EXOC2: variants seen among roughly 807,000 people sequenced by gnomAD.
The protein encoded by EXOC2 is SEC5-like 1.
A neutral mutation model predicts 131.8 loss-of-function variants in EXOC2; 70 were observed. The ratio of observed to expected loss-of-function variants is 0.53; its 90% CI spans 0.44 to 0.65. The LOEUF (loss-of-function observed/expected upper bound fraction) is 0.65. EXOC2 is among the 30% of genes least tolerant of loss of function. The probability of loss-of-function intolerance (pLI) is 0.00; values close to 1 mark genes in which losing one functional copy is unlikely to be tolerated. For synonymous variants in EXOC2, 411 were observed against 398.4 expected (o/e 1.03, Z -0.38); for missense variants, 923 against 1,108.6 (o/e 0.83, Z 2.38).
intron 12 of EXOC2, among the ~76,000 whole-genome samples, chr6:574,320 T>C (rs1180628578): frequency 2.0e-5 from 3 of 152,246 alleles, no homozygotes; most frequent in Non-Finnish European, 4.4e-5. Flanking sequence ...AAAGGAAGTA[T>C]GCCCTCATAC....
intron 22 of EXOC2, among the ~76,000 whole-genome samples, chr6:539,015 A>G (rs935913084): frequency 2.6e-5 from 4 of 151,746 alleles, no homozygotes; most frequent in African/African-American, 9.7e-5. Context: ...GGTTGCAGTG[A>G]GCCAAGATCA....
At chr6:647,245 T>C (rs1056061906) in intron 1 of EXOC2, among the ~76,000 whole-genome samples, 2 of 152,158 alleles carry the variant, frequency 1.3e-5, no homozygotes, top group African/African-American at 2.4e-5. Flanking sequence ...AGTAGAAATA[T>C]GCTGCTCTCC....
At position 574,056 on chromosome 6, in the gene EXOC2, G is replaced by T. The variant is rs140551128; in HGVS notation, c.1319-1412C>A. ...TTCTGTATTCAAACGTAAGGCAAAG[G>T]CTTCCTCTTTTTCTCCCCACAGTTA... is the stretch of plus-strand genomic sequence containing the variant. On this transcript the variant is annotated intron_variant, in intron 12 of 27. Transcript: ENST00000230449. Among the ~76,000 whole-genome samples, 545 of 152,252 alleles carry T rather than the reference G, an allele frequency of 3.6e-3. 2 individuals are homozygous for T. Among genetic ancestry groups the T allele is most frequent in the African/African-American group, 0.013 (527 of 41,538 alleles).
chr6:545,468 T>C (rs1006998973), intron 22 of EXOC2, among the ~76,000 whole-genome samples: 5 of 152,224 alleles, frequency 3.3e-5, no homozygotes, highest in Non-Finnish European at 7.3e-5. Flanking sequence ...TTGCAACTTA[T>C]TTGCAACATG....
chr6:501,964 T>TC (rs1403459282), intron 23 of EXOC2, among the ~76,000 whole-genome samples: 1 of 151,966 alleles, frequency 6.6e-6, no homozygotes, highest in African/African-American at 2.4e-5. Context: ...GAGGCTTTCT[T>TC]CCCGCAGGAG....
intron 7 of EXOC2, among the ~76,000 whole-genome samples, chr6:604,428 G>A (rs6918020): frequency 0.021 from 3,164 of 152,116 alleles, 134 homozygotes; most frequent in African/African-American, 0.073. Flanking sequence ...CATGCCTACC[G>A]TCCACTTCTG....
intron 6 of EXOC2, among the ~76,000 whole-genome samples, chr6:616,832 T>C (rs982325518): frequency 2.2e-4 from 34 of 151,378 alleles, no homozygotes; most frequent in African/African-American, 8.2e-4. Context: ...AACCTCCGCC[T>C]CCCACGCTCA....
intron 12 of EXOC2, among the ~76,000 whole-genome samples, chr6:574,013 C>T (rs986642551): frequency 4.6e-5 from 7 of 152,184 alleles, no homozygotes; most frequent in East Asian, 1.9e-4. Context: ...TTCCATTTAG[C>T]GATGGATCCT....
chr6:499,428 TAAACACACA>T (rs1561782886), intron 24 of EXOC2, among the ~76,000 whole-genome samples: 1 of 79,128 alleles, frequency 1.3e-5, no homozygotes, highest in African/African-American at 4.7e-5. Context: ...GACTCACAGT[TAAACACACA>T]CACACACACA....
rs148150378 is a variant in EXOC2, at chr6:664,547, G to A, written c.-43-26686C>T. Among the ~76,000 whole-genome samples, 135 of 152,274 alleles carry A rather than the reference G, an allele frequency of 8.9e-4. 1 individual carries two copies. In the East Asian group the frequency reaches 0.023, roughly 25 times the overall value. ...TACCTGATTTCAAACTATACTATAAGGCCATAGTCACCAAAACAGTGTGGT... is the reference window on the plus strand; with the variant it reads ...TACCTGATTTCAAACTATACTATAAAGCCATAGTCACCAAAACAGTGTGGT... On this transcript the variant is annotated intron_variant, in intron 1 of 27. Transcript: ENST00000230449.
chr6:508,663 A>G (rs1303541815), intron 23 of EXOC2, among the ~76,000 whole-genome samples: 2 of 152,216 alleles, frequency 1.3e-5, no homozygotes, highest in African/African-American at 4.8e-5. Context: ...ACCGTAACAC[A>G]TTTATTCACC....
At chr6:532,124 T>G (rs1330662615) in intron 23 of EXOC2, among the ~76,000 whole-genome samples, 1 of 152,246 alleles carries the variant, frequency 6.6e-6, no homozygotes, top group East Asian at 1.9e-4. Flanking sequence ...TTTTTGATGA[T>G]GTACACAAGG....
At chr6:615,211 A>G (rs188351036) in intron 6 of EXOC2, among the ~76,000 whole-genome samples, 16 of 120,674 alleles carry the variant, frequency 1.3e-4, no homozygotes, top group Admixed American at 5.6e-4. Context: ...GTGTGTGTGT[A>G]TGTATGTGTA....
rs200734188 is a variant in EXOC2, at chr6:603,261, G to A, written c.743-4036C>T. Among the ~76,000 whole-genome samples the A allele has an allele frequency of 4.6e-5, 7 of 152,198 alleles. No individual in the cohort carries two copies. The East Asian group carries it at 1.2e-3, about 25-fold the overall frequency. The stretch of plus-strand genomic sequence containing the variant: ...TAGGAAGTGAAACATTAGGGTGCCT[G>A]GAATATCAGAGTAACCCTAAAATGT... On this transcript the variant is annotated intron_variant, in intron 7 of 27. Transcript: ENST00000230449.
At chr6:561,775 G>T (rs1561858908) in intron 17 of EXOC2, among the ~76,000 whole-genome samples, 1 of 152,046 alleles carries the variant, frequency 6.6e-6, no homozygotes, top group South Asian at 2.1e-4. Flanking sequence ...TAGTAGAGAC[G>T]GGGTTTCAGC....
chr6:678,642 G>T (rs1414988173), intron 1 of EXOC2, among the ~76,000 whole-genome samples: 1 of 152,212 alleles, frequency 6.6e-6, no homozygotes, highest in Non-Finnish European at 1.5e-5. Context: ...AGAGAGGGCT[G>T]ACACAATATA....
chr6:600,519 G>A (rs1312763845), intron 7 of EXOC2, among the ~76,000 whole-genome samples: 1 of 152,074 alleles, frequency 6.6e-6, no homozygotes, highest in Admixed American at 6.5e-5. Flanking sequence ...TTTTTAAAAG[G>A]TTAATTACTT....
intron 3 of EXOC2, among the ~76,000 whole-genome samples, chr6:631,775 AAG>A (rs1761871037): frequency 6.6e-6 from 1 of 152,162 alleles, no homozygotes; most frequent in African/African-American, 2.4e-5. Context: ...ACTAAATAAA[AAG>A]AGTAAACAAA....
At chr6:489,880 GAA>G (rs1763321219) in intron 26 of EXOC2, among the ~76,000 whole-genome samples, 1 of 152,208 alleles carries the variant, frequency 6.6e-6, no homozygotes, top group Non-Finnish European at 1.5e-5. Flanking sequence ...GCAACAGAGA[GAA>G]AGACTGAAAA....
Sources: allele counts gnomAD v4.1 joint callset (sites outside exome capture counted in the v4.1 genomes callset), GRCh38; gene constraint gnomAD v4.1.1; transcripts MANE v1.5; gene names NCBI Gene and HGNC (gene_info 2026-07-23, HGNC 2026-07-21).